PTPRN2: variants seen among roughly 807,000 people sequenced by gnomAD.
PTPRN2 encodes the protein receptor-type tyrosine-protein phosphatase N2.
A neutral mutation model predicts 118.8 loss-of-function variants in PTPRN2; 74 were observed. The observed-to-expected ratio is 0.62, with a 90% CI of 0.52 to 0.76. The LOEUF (loss-of-function observed/expected upper bound fraction) is 0.76. PTPRN2 is among the 30% of genes least tolerant of loss of function. The probability of loss-of-function intolerance (pLI) is 0.00; values close to 1 mark genes in which losing one functional copy is unlikely to be tolerated. For missense variants in PTPRN2, 1,481 were observed against 1,394.4 expected, an observed-to-expected ratio of 1.06 and a Z score of -0.99; for synonymous variants, 641 against 608.0, an observed-to-expected ratio of 1.05 and a Z score of -0.80.
At chr7:157,683,403 T>C (rs1176089325) in intron 12 of PTPRN2, among the ~76,000 whole-genome samples, 1 of 152,138 alleles carries the variant, frequency 6.6e-6, no homozygotes, top group Non-Finnish European at 1.5e-5. Flanking sequence ...GTCCAGCACA[T>C]CTTCAGCAAC....
intron 17 of PTPRN2, among the ~76,000 whole-genome samples, chr7:157,593,822 T>A (rs1801134180): frequency 6.6e-6 from 1 of 152,212 alleles, no homozygotes; most frequent in Admixed American, 6.5e-5. Context: ...ACTCCCCAGC[T>A]GTGACAAGTA....
intron 3 of PTPRN2, among the ~76,000 whole-genome samples, chr7:158,262,660 C>G (rs1370791523): frequency 6.7e-6 from 1 of 149,226 alleles, no homozygotes; most frequent in Non-Finnish European, 1.5e-5. Context: ...CACACTGACA[C>G]ACTGCACGCA....
At chr7:157,753,548 T>A (rs1408041530) in intron 12 of PTPRN2, among the ~76,000 whole-genome samples, 1 of 152,214 alleles carries the variant, frequency 6.6e-6, no homozygotes, top group African/African-American at 2.4e-5. Context: ...GCTCACAGCA[T>A]GGCAGTGACC....
chr7:158,535,634 C>T (rs911679609), intron 1 of PTPRN2, among the ~76,000 whole-genome samples: 3 of 151,982 alleles, frequency 2.0e-5, no homozygotes, highest in African/African-American at 4.8e-5. Context: ...CATACAAAAA[C>T]AATTAATAGG....
intron 2 of PTPRN2, among the ~76,000 whole-genome samples, chr7:158,401,392 G>A (rs764161057): frequency 2.6e-5 from 4 of 152,248 alleles, no homozygotes; most frequent in Non-Finnish European, 5.9e-5. Flanking sequence ...GGAGCCGCTG[G>A]ACCCCAAGGG....
intron 11 of PTPRN2, among the ~76,000 whole-genome samples, chr7:157,915,341 C>T (rs1798334230): frequency 6.6e-6 from 1 of 152,160 alleles, no homozygotes; most frequent in South Asian, 2.1e-4. Flanking sequence ...AGCTGAATTC[C>T]CTGCTTGAGA....
chr7:157,946,136 T>G lies in PTPRN2; in HGVS notation c.1724-47399A>C, dbSNP rs58844603. On this transcript the variant is annotated intron_variant, in intron 11 of 22. Coordinates refer to ENST00000389418, the MANE Select transcript of PTPRN2 (RefSeq NM_002847.5). Reference sequence around the variant, plus strand: ...CTTGTCTTGAGGTGGCAGAAACAGCTGATGGTGAGGCAGGATAATACGGTC... The same window carrying G: ...CTTGTCTTGAGGTGGCAGAAACAGCGGATGGTGAGGCAGGATAATACGGTC... 6.2e-3 allele frequency among the ~76,000 whole-genome samples: 948 copies of G among 152,276 alleles called. 12 individuals are homozygous for G. Among genetic ancestry groups the G allele is most frequent in the African/African-American group, 0.022 (905 of 41,552 alleles).
At chr7:158,472,861 AG>A (rs1207009799) in intron 2 of PTPRN2, among the ~76,000 whole-genome samples, 1 of 152,170 alleles carries the variant, frequency 6.6e-6, no homozygotes, top group African/African-American at 2.4e-5. Context: ...ACTGGGAGGC[AG>A]CAGTGGCGGC....
At chr7:158,195,597 T>C (rs1409457883) in intron 4 of PTPRN2, among the ~76,000 whole-genome samples, 1 of 150,710 alleles carries the variant, frequency 6.6e-6, no homozygotes, top group Non-Finnish European at 1.5e-5. Context: ...TTTAGATGTG[T>C]CCCATAGCTC....
intron 11 of PTPRN2, among the ~76,000 whole-genome samples, chr7:157,966,296 A>C (rs573567835): frequency 6.6e-6 from 1 of 152,126 alleles, no homozygotes; most frequent in South Asian, 2.1e-4. Context: ...TCATGTCATC[A>C]CCATCACCAC....
At chr7:158,332,418 G>T (rs4909184) in intron 2 of PTPRN2, among the ~76,000 whole-genome samples, 1 of 132,136 alleles carries the variant, frequency 7.6e-6, no homozygotes, top group African/African-American at 3.0e-5. Context: ...CTCAACATAA[G>T]AGCTGACACC....
intron 12 of PTPRN2, among the ~76,000 whole-genome samples, chr7:157,810,382 T>G (rs1030745207): frequency 6.6e-6 from 1 of 151,996 alleles, no homozygotes; most frequent in Non-Finnish European, 1.5e-5. Flanking sequence ...GGTGCCGTGC[T>G]GGGCACAGGC....
chr7:158,315,186 G>A, intron 3 of PTPRN2, among the ~76,000 whole-genome samples: 1 of 143,682 alleles, frequency 7.0e-6, no homozygotes, highest in South Asian at 2.3e-4. Flanking sequence ...CCCCCTGAAG[G>A]ACAGAGGTGA....
At chr7:157,593,040 T>C (rs1333218137) in intron 17 of PTPRN2, among the ~76,000 whole-genome samples, 52 of 80,130 alleles carry the variant, frequency 6.5e-4, no homozygotes, top group African/African-American at 8.9e-4. Context: ...ACCTGCTGAA[T>C]GGAGGGTGGA....
intron 21 of PTPRN2, among the ~76,000 whole-genome samples, chr7:157,557,496 C>T (rs915049868): frequency 2.6e-5 from 4 of 151,326 alleles, no homozygotes; most frequent in African/African-American, 9.7e-5. Flanking sequence ...CATGCACACA[C>T]AGGTACACAC....
At chr7:158,346,694 T>C (rs1807537790) in intron 2 of PTPRN2, among the ~76,000 whole-genome samples, 1 of 152,212 alleles carries the variant, frequency 6.6e-6, no homozygotes. Context: ...CATACAGTTC[T>C]CCATAATGAC....
chr7:157,546,152 C>T (rs1274479420), intron 22 of PTPRN2, among the ~76,000 whole-genome samples: 3 of 152,240 alleles, frequency 2.0e-5, no homozygotes, highest in East Asian at 1.9e-4. Context: ...GACGCCCAGT[C>T]CAAGAAGGAA....
Position 158,569,649 on chromosome 7 carries a change from C to T in PTPRN2, c.112+17909G>A, listed in dbSNP as rs1394970531. ...GGCACAAGGCTGCCCAACAAGAACG[C>T]GGGGCGCGAGGCCGCCTAACTGACA... On this transcript the variant is annotated intron_variant, in intron 1 of 22. Transcript: ENST00000389418. Among the ~76,000 whole-genome samples, 2 of 151,392 alleles carry T rather than the reference C, an allele frequency of 1.3e-5. 1 individual carries two copies. Among genetic ancestry groups the T allele is most frequent in the Non-Finnish European group, 2.9e-5 (2 of 67,870 alleles).
intron 2 of PTPRN2, among the ~76,000 whole-genome samples, chr7:158,318,094 C>A (rs978953240): frequency 1.3e-5 from 2 of 152,102 alleles, no homozygotes; most frequent in African/African-American, 4.8e-5. Context: ...GCCCGAGATG[C>A]CTGCGAGGCC....
Sources: gnomAD v4.1 joint callset for allele counts (sites outside exome capture counted in the v4.1 genomes callset) on GRCh38, gnomAD v4.1.1 for gene constraint, MANE v1.5 for transcripts, NCBI Gene and HGNC (gene_info 2026-07-23, HGNC 2026-07-21) for gene names.